Variants in SPTBN1 observed in about 807,000 individuals in gnomAD.
SPTBN1 encodes spectrin beta, non-erythrocytic 1, also known as spectrin beta chain, non-erythrocytic 1.
A neutral mutation model predicts 266.4 loss-of-function variants in SPTBN1; 32 were observed. The observed-to-expected ratio is 0.12, with a 90% confidence interval of 0.09 to 0.16. The LOEUF is 0.16. SPTBN1 is among the 10% of genes least tolerant of loss of function. SPTBN1 has a pLI of 1.00. For synonymous variants in SPTBN1, 1,336 were observed against 1,162.2 expected (o/e 1.15, Z -3.04); for missense variants, 2,296 against 3,067.1 (o/e 0.75, Z 5.94).
In SPTBN1 at chr2:54,586,014, T is replaced by G. The variant is rs565008154; in HGVS notation, c.149-13078T>G. Among the ~76,000 whole-genome samples, 56 of 152,346 alleles carry G rather than the reference T, an allele frequency of 3.7e-4. 1 individual carries two copies. The highest frequency in any genetic ancestry group is 1.0e-3 in the African/African-American group (42 of 41,582). On this transcript the variant is annotated intron_variant, in intron 2 of 35. Transcript: ENST00000356805. ...GGATATGATATCACTTAGAAAATAG[T>G]GCTAAACTTTAAAATTCTTTAGTTT...
At chr2:54,624,126 C>T (rs181558908) in intron 10 of SPTBN1, among the ~76,000 whole-genome samples, 22 of 152,276 alleles carry the variant, frequency 1.4e-4, no homozygotes, top group Admixed American at 1.4e-3. Context: ...AACTACATTC[C>T]TTTATGCTGC....
intron 1 of SPTBN1, among the ~76,000 whole-genome samples, chr2:54,485,866 G>A (rs555017212): frequency 6.3e-4 from 94 of 148,636 alleles, no homozygotes; most frequent in African/African-American, 9.7e-4. Context: ...TGTGAGGAGC[G>A]CCTCTGCCCG....
Position 54,527,679 on chromosome 2 carries a change from C to T in SPTBN1, c.148+1113C>T, listed in dbSNP as rs531576239. ...TCACAAGCAGGCTCCATCCTGTAGT[C>T]CCAAGATGGCTGCCCCAGGTCCCTG... On this transcript the variant is annotated intron_variant, in intron 2 of 35. Transcript: ENST00000356805. The T allele has an allele frequency of 2.0e-5, 3 of 152,342 alleles. No individual in the cohort carries two copies. In the East Asian group the frequency reaches 5.8e-4, roughly 29 times the overall value. The allele number at this position is 152,342 out of a possible 1,614,324, so 9.4% of individuals were successfully genotyped here.
At chr2:54,518,897 A>G (rs1298394747) in intron 1 of SPTBN1, among the ~76,000 whole-genome samples, 1 of 152,246 alleles carries the variant, frequency 6.6e-6, no homozygotes, top group Admixed American at 6.5e-5. Flanking sequence ...TGAGTAGTTC[A>G]GACAAAAAAT....
chr2:54,502,901 A>G (rs1467126164), intron 1 of SPTBN1, among the ~76,000 whole-genome samples: 1 of 152,180 alleles, frequency 6.6e-6, no homozygotes, highest in Non-Finnish European at 1.5e-5. Flanking sequence ...TGAGCTCTGC[A>G]CGGACTCAGA....
At chr2:54,642,503 A>C (rs1301724827) in intron 18 of SPTBN1, among the ~76,000 whole-genome samples, 1 of 151,272 alleles carries the variant, frequency 6.6e-6, no homozygotes, top group African/African-American at 2.4e-5. Flanking sequence ...ATGCACCCAC[A>C]AAAAGGGGGA....
intron 1 of SPTBN1, among the ~76,000 whole-genome samples, chr2:54,505,618 C>G (rs967047945): frequency 6.6e-6 from 1 of 152,114 alleles, no homozygotes; most frequent in African/African-American, 2.4e-5. Flanking sequence ...CCCCAGGGGT[C>G]CTAGCTCCTG....
Position 54,664,540 on chromosome 2 carries a change from C to G in SPTBN1, c.6508C>G (p.Pro2170Ala). 6.2e-7 allele frequency: 1 copy of G among 1,614,180 alleles called. No homozygotes were observed. The change falls in exon 33 of 36, where the codon CCG (proline) becomes GCG (alanine). Residue 2170 changes from proline (P) to alanine (A), a missense_variant. Pro to Ala is a conservative substitution (Grantham distance 27). Coordinates refer to ENST00000356805, the MANE Select transcript of SPTBN1 (RefSeq NM_003128.3). This position sits in a 1 kb window ranked among gnomAD's most constrained non-coding sequence, Gnocchi z 5.6. ...SSKESSPIPSPTSDRKAKTAL... is the reference protein window; with the variant it reads ...SSKESSPIPSATSDRKAKTAL... ...TAAAGAGTCCAGCCCCATCCCCTCC[C>G]CGACCTCTGATCGTAAAGCCAAGAC...
chr2:54,616,274 T>C lies in SPTBN1; in HGVS notation c.542T>C (p.Leu181Ser). The change falls in exon 5 of 36, where the codon TTG (leucine) becomes TCG (serine). Residue 181 changes from leucine (L) to serine (S), a missense_variant. Coordinates refer to ENST00000356805, the MANE Select transcript of SPTBN1 (RefSeq NM_003128.3). The stretch of plus-strand genomic sequence containing the variant: ...AAATCTGCCAAGGATGCATTGCTGT[T>C]GTGGTGCCAGATGAAGACAGCTGGG... ...EKKSAKDALL[L>S]WCQMKTAGYP... 3 of 1,613,974 alleles carry C rather than the reference T, an allele frequency of 1.9e-6. No individual in the cohort carries two copies. The highest frequency in any genetic ancestry group is 2.5e-6 in the Non-Finnish European group (3 of 1,179,882).
intron 2 of SPTBN1, among the ~76,000 whole-genome samples, chr2:54,578,087 C>T (rs145337795): frequency 6.6e-6 from 1 of 152,272 alleles, no homozygotes; most frequent in Non-Finnish European, 1.5e-5. Flanking sequence ...AGTACAGACT[C>T]TCTTGATCTG....
chr2:54,495,564 T>A (rs1317103842), intron 1 of SPTBN1, among the ~76,000 whole-genome samples: 2 of 152,310 alleles, frequency 1.3e-5, no homozygotes, highest in South Asian at 2.1e-4. Context: ...TAAGAAAATT[T>A]AAATTGCCTT....
intron 1 of SPTBN1, among the ~76,000 whole-genome samples, chr2:54,509,210 G>T (rs1022803818): frequency 4.6e-5 from 7 of 152,200 alleles, no homozygotes; most frequent in African/African-American, 1.7e-4. Flanking sequence ...AAGGAAACAT[G>T]GAGAAAGGGA....
rs557006323 is a variant in SPTBN1 at position 54,582,570 on chromosome 2, A to G, written c.149-16522A>G. On this transcript the variant is annotated intron_variant, in intron 2 of 35. Coordinates refer to ENST00000356805, the MANE Select transcript of SPTBN1 (RefSeq NM_003128.3). ...CAGAGCAAGACTCCGTCTCAAAAAAAAAAAAAAAAAGAAATATGGAGGATT... is the reference window on the plus strand; with the variant it reads ...CAGAGCAAGACTCCGTCTCAAAAAAGAAAAAAAAAAGAAATATGGAGGATT... Among the ~76,000 whole-genome samples the G allele has an allele frequency of 9.2e-5, 14 of 152,134 alleles. No individual in the cohort carries two copies. The South Asian group carries it at 2.9e-3, about 32-fold the overall frequency.
rs1383217073 is a variant in SPTBN1, at chr2:54,554,626, G to A, written c.148+28060G>A. Among the ~76,000 whole-genome samples the A allele has an allele frequency of 6.6e-6, 1 of 152,056 alleles. No homozygotes were observed. The highest frequency in any genetic ancestry group is 1.5e-5 in the Non-Finnish European group (1 of 68,010). ...TTGGTTTATAGACGAAGATTGAGAG[G>A]CCCAGAGAACATCAGAAACATGCTC... On this transcript the variant is annotated intron_variant, in intron 2 of 35. Transcript: ENST00000356805. The surrounding 1 kb of genome is among the most constrained non-coding windows in gnomAD (Gnocchi z 4.5).
At position 54,558,849 on chromosome 2, in the gene SPTBN1, A is replaced by G. The variant is rs1673071548; in HGVS notation, c.148+32283A>G. 6 of 1,613,818 alleles carry G rather than the reference A, an allele frequency of 3.7e-6. No homozygotes were observed. Among genetic ancestry groups the G allele is most frequent in the Non-Finnish European group, 4.2e-6 (5 of 1,179,914 alleles). On this transcript the variant is annotated intron_variant, in intron 2 of 35. Transcript: ENST00000356805. This position sits in a 1 kb window ranked among gnomAD's most constrained non-coding sequence, Gnocchi z 4.6. Reference sequence around the variant, plus strand: ...GCGTACACGGGGCAGGTGCCTTACAACTACAACCAGCTGGAAGGCAGATTC... The same window carrying G: ...GCGTACACGGGGCAGGTGCCTTACAGCTACAACCAGCTGGAAGGCAGATTC...
rs758383775 is a variant in SPTBN1 at position 54,646,250 on chromosome 2, G to A, written c.4641G>A (p.Arg1547=). The A allele has an allele frequency of 6.2e-7, 1 of 1,614,070 alleles. No individual in the cohort carries two copies. The highest frequency in any genetic ancestry group is 1.7e-5 in the Admixed American group (1 of 60,006). ...HQPRIDDIFE[R]SQNIVTDSSS... is the part of the protein sequence containing the mutation. The stretch of plus-strand genomic sequence containing the variant: ...CTCGCATTGACGACATCTTTGAGAG[G>A]AGCCAAAACATCGTCACTGACAGCA... The change falls in exon 23 of 36, where the codon AGG becomes AGA. Residue 1547 remains arginine (R), a synonymous_variant. Coordinates refer to ENST00000356805, the MANE Select transcript of SPTBN1 (RefSeq NM_003128.3). This position sits in a 1 kb window ranked among gnomAD's most constrained non-coding sequence, Gnocchi z 4.4.
rs1241668837 is a variant in SPTBN1 at position 54,637,166 on chromosome 2, T to A, written c.3768-547T>A. On this transcript the variant is annotated intron_variant, in intron 17 of 35. Coordinates refer to ENST00000356805, the MANE Select transcript of SPTBN1 (RefSeq NM_003128.3). ...CTTCTTTGAGCTTTAGTTACCCTTA[T>A]CAATTGATTAAAAGTGGGATTGAGT... 2.6e-5 allele frequency among the ~76,000 whole-genome samples: 4 copies of A among 152,336 alleles called. No individual in the cohort carries two copies. In the East Asian group the frequency reaches 7.7e-4, roughly 29 times the overall value.
At chr2:54,583,370 A>G (rs1675077538) in intron 2 of SPTBN1, among the ~76,000 whole-genome samples, 1 of 152,146 alleles carries the variant, frequency 6.6e-6, no homozygotes, top group Non-Finnish European at 1.5e-5. Flanking sequence ...AAACCTTTTT[A>G]AGAATGGATT....
chr2:54,628,693 G>A lies in SPTBN1; in HGVS notation c.1799-240G>A, dbSNP rs1373509530. On this transcript the variant is annotated intron_variant, in intron 13 of 35. Transcript: ENST00000356805. This position sits in a 1 kb window ranked among gnomAD's most constrained non-coding sequence, Gnocchi z 4.3. ...ATATGATTCAAGTGCTTTCTTGCAGGAGGATGATCACTTTGTCTGCGGTTT... is the reference window on the plus strand; with the variant it reads ...ATATGATTCAAGTGCTTTCTTGCAGAAGGATGATCACTTTGTCTGCGGTTT... Among the ~76,000 whole-genome samples the A allele has an allele frequency of 6.6e-6, 1 of 152,176 alleles. No individual in the cohort carries two copies. Among genetic ancestry groups the A allele is most frequent in the Admixed American group, 6.5e-5 (1 of 15,282 alleles).
Sources: allele counts gnomAD v4.1 joint callset (sites outside exome capture counted in the v4.1 genomes callset), GRCh38; gene constraint gnomAD v4.1.1; non-coding constraint Gnocchi (gnomAD v3.1); transcripts MANE v1.5; gene names NCBI Gene and HGNC (gene_info 2026-07-23, HGNC 2026-07-21).